The following SPOCK3 variants were observed in gnomAD, a reference collection of about 807,000 sequenced individuals.
The protein encoded by SPOCK3 is testican-3.
SPOCK3 carries 30 observed loss-of-function variants against 56.6 expected under a neutral mutation model. The ratio of observed to expected loss-of-function variants is 0.53; its 90% CI spans 0.40 to 0.72. The LOEUF (loss-of-function observed/expected upper bound fraction) is 0.72, where lower values mean the gene tolerates loss of function less well. Among genes scored for constraint, SPOCK3 ranks in the 30% least tolerant of loss-of-function variants. The pLI is 0.00. For missense variants in SPOCK3, 527 were observed against 530.0 expected (o/e 0.99, Z 0.06); for synonymous variants, 196 against 183.3 (o/e 1.07, Z -0.56).
At chr4:167,188,480 GA>G (rs1043238884) in intron 2 of SPOCK3, among the ~76,000 whole-genome samples, 1 of 145,708 alleles carries the variant, frequency 6.9e-6, no homozygotes, top group Non-Finnish European at 1.5e-5. Flanking sequence ...CGATATAACA[GA>G]AAAAAGTGGA....
At chr4:166,938,546 A>G (rs920623025) in intron 4 of SPOCK3, among the ~76,000 whole-genome samples, 6 of 152,180 alleles carry the variant, frequency 3.9e-5, no homozygotes, top group African/African-American at 1.4e-4. Context: ...TTTAGAATTC[A>G]TGATAAAAAT....
intron 2 of SPOCK3, among the ~76,000 whole-genome samples, chr4:167,080,557 T>G (rs1757612847): frequency 6.6e-6 from 1 of 151,894 alleles, no homozygotes; most frequent in Admixed American, 6.6e-5. Context: ...AAAGCAGAGC[T>G]CTAGGAGTGA....
In SPOCK3 at chr4:166,792,180, A is replaced by G. The variant is rs72984042; in HGVS notation, c.699T>C (p.Pro233=). Residue 233 remains proline, a synonymous_variant, in exon 7 of 11, where the codon CCT becomes CCC. Transcript: ENST00000357545. ...QNKKTKTLLR[P]ERSRFDTSIL... ...ATTTAGAAATCTTACTGCTTCTCTC[A>G]GGCCTCAGCAATGTTTTTGTCTTCT... 7.9e-3 allele frequency: 12,766 copies of G among 1,613,812 alleles called. 364 individuals are homozygous for G. The highest frequency in any genetic ancestry group is 0.076 in the African/African-American group (5,718 of 74,988).
At chr4:167,119,826 C>T in intron 2 of SPOCK3, 1 of 1,534,448 alleles carries the variant, frequency 6.5e-7, no homozygotes, top group East Asian at 2.4e-5. Flanking sequence ...TGGATGTGAT[C>T]TTGTGTGATC....
chr4:167,169,957 G>A (rs1248257320), intron 2 of SPOCK3, among the ~76,000 whole-genome samples: 1 of 152,104 alleles, frequency 6.6e-6, no homozygotes, highest in Non-Finnish European at 1.5e-5. Context: ...ATGTGACTTT[G>A]CTTTTCATTC....
intron 3 of SPOCK3, among the ~76,000 whole-genome samples, chr4:167,061,966 A>G (rs917006792): frequency 6.6e-6 from 1 of 151,794 alleles, no homozygotes; most frequent in Non-Finnish European, 1.5e-5. Flanking sequence ...TTTTCCTTTT[A>G]AAGGTAAGTT....
At chr4:166,833,960 G>A (rs1161487705) in intron 6 of SPOCK3, among the ~76,000 whole-genome samples, 1 of 152,114 alleles carries the variant, frequency 6.6e-6, no homozygotes, top group Non-Finnish European at 1.5e-5. Flanking sequence ...GAGAGATTTT[G>A]CTTCTACTTC....
intron 4 of SPOCK3, among the ~76,000 whole-genome samples, chr4:166,973,088 A>T (rs957845200): frequency 1.3e-5 from 2 of 152,112 alleles, no homozygotes; most frequent in Non-Finnish European, 2.9e-5. Context: ...TGATTGGATC[A>T]TGGGGGCAGT....
chr4:167,141,235 T>C (rs1763503089), intron 2 of SPOCK3, among the ~76,000 whole-genome samples: 1 of 152,006 alleles, frequency 6.6e-6, no homozygotes, highest in South Asian at 2.1e-4. Flanking sequence ...GAAGCTCATA[T>C]GAGATGTTGT....
intron 5 of SPOCK3, among the ~76,000 whole-genome samples, chr4:166,897,383 C>T (rs1283163743): frequency 2.0e-5 from 3 of 151,966 alleles, no homozygotes; most frequent in African/African-American, 7.3e-5. Context: ...GGTAGTGTCT[C>T]CTTCTAGAAG....
At position 166,882,485 on chromosome 4, in the gene SPOCK3, T is replaced by A. The variant is rs145164366; in HGVS notation, c.589+6645A>T. ...TTTGACTATGACCACTGCTTTTAGG[T>A]GAGTGCTTATACTGCATTTTGTAAA... On this transcript the variant is annotated intron_variant, in intron 6 of 10. Coordinates refer to ENST00000357545, the MANE Select transcript of SPOCK3 (RefSeq NM_001040159.2). Among the ~76,000 whole-genome samples, 103 of 152,294 alleles carry A rather than the reference T, an allele frequency of 6.8e-4. 2 individuals carry two copies. The East Asian group carries it at 0.017, about 25-fold the overall frequency.
intron 3 of SPOCK3, among the ~76,000 whole-genome samples, chr4:167,021,407 GC>G (rs1751158327): frequency 6.6e-6 from 1 of 152,092 alleles, no homozygotes. Context: ...TCTTGTGATA[GC>G]CCACCCATCA....
chr4:166,850,636 G>A (rs370961293), intron 6 of SPOCK3, among the ~76,000 whole-genome samples: 5 of 152,222 alleles, frequency 3.3e-5, no homozygotes, highest in East Asian at 1.9e-4. Context: ...AAAGCAGGGC[G>A]AGGCATTGCC....
chr4:167,109,531 T>C (rs1295314361), intron 2 of SPOCK3, among the ~76,000 whole-genome samples: 1 of 128,034 alleles, frequency 7.8e-6, no homozygotes, highest in African/African-American at 2.9e-5. Flanking sequence ...ATATATTTTA[T>C]ATAAATATAA....
intron 2 of SPOCK3, among the ~76,000 whole-genome samples, chr4:167,103,283 C>T (rs1759815320): frequency 1.3e-5 from 2 of 152,100 alleles, no homozygotes; most frequent in African/African-American, 4.8e-5. Flanking sequence ...TGGGACAGAG[C>T]ACCAAGTGGG....
intron 2 of SPOCK3, among the ~76,000 whole-genome samples, chr4:167,078,328 G>A: frequency 7.5e-6 from 1 of 134,030 alleles, no homozygotes; most frequent in Non-Finnish European, 1.5e-5. Context: ...GTGTGTGTGT[G>A]TGTGTGTGTG....
chr4:166,969,899 A>G (rs1745196250), intron 4 of SPOCK3, among the ~76,000 whole-genome samples: 1 of 152,170 alleles, frequency 6.6e-6, no homozygotes, highest in Non-Finnish European at 1.5e-5. Context: ...GTCTTAGGAA[A>G]ATATGATCTT....
chr4:166,801,516 A>T (rs1742592339), intron 6 of SPOCK3, among the ~76,000 whole-genome samples: 1 of 151,836 alleles, frequency 6.6e-6, no homozygotes, highest in Admixed American at 6.6e-5. Flanking sequence ...AAGACCTAGG[A>T]TTAACTTTTA....
chr4:166,874,101 A>G (rs1218784270), intron 6 of SPOCK3, among the ~76,000 whole-genome samples: 1 of 152,120 alleles, frequency 6.6e-6, no homozygotes, highest in Non-Finnish European at 1.5e-5. Flanking sequence ...GTTGCTTTCC[A>G]GAATGGTAAA....
Sources: gnomAD v4.1 joint callset for allele counts (sites outside exome capture counted in the v4.1 genomes callset) on GRCh38, gnomAD v4.1.1 for gene constraint, MANE v1.5 for transcripts, NCBI Gene and HGNC (gene_info 2026-07-23, HGNC 2026-07-21) for gene names.